Variants in TRAPPC9 observed in about 807,000 individuals in gnomAD.
The protein encoded by TRAPPC9 is IKK2 binding protein.
A neutral mutation model predicts 124.0 loss-of-function variants in TRAPPC9; 83 were observed. The observed-to-expected ratio is 0.67, with a 90% confidence interval of 0.56 to 0.80. TRAPPC9 has a LOEUF of 0.80. TRAPPC9 is among the 30% of genes least tolerant of loss of function. TRAPPC9 has a pLI of 0.00. For synonymous variants in TRAPPC9, 638 were observed against 617.5 expected (o/e 1.03, Z -0.49); for missense variants, 1,302 against 1,508.3 (o/e 0.86, Z 2.27).
At chr8:139,955,394 C>T (rs1011100370) in intron 19 of TRAPPC9, among the ~76,000 whole-genome samples, 1 of 152,074 alleles carries the variant, frequency 6.6e-6, no homozygotes, top group Non-Finnish European at 1.5e-5. Context: ...AAACCCTGGA[C>T]GGACCCAGGG....
At chr8:139,898,742 C>T (rs1316918398) in intron 20 of TRAPPC9, among the ~76,000 whole-genome samples, 2 of 152,126 alleles carry the variant, frequency 1.3e-5, no homozygotes, top group Non-Finnish European at 2.9e-5. Context: ...ATATGTCATA[C>T]CCCGCTCTCT....
At chr8:140,219,002 G>C (rs1203470561) in intron 17 of TRAPPC9, among the ~76,000 whole-genome samples, 2 of 151,944 alleles carry the variant, frequency 1.3e-5, no homozygotes, top group African/African-American at 2.4e-5. Context: ...GGAGGAAACA[G>C]TCAGGGAAGG....
chr8:140,037,095 T>C (rs777655185), intron 17 of TRAPPC9, among the ~76,000 whole-genome samples: 31 of 152,048 alleles, frequency 2.0e-4, no homozygotes, highest in Non-Finnish European at 4.1e-4. Flanking sequence ...ATGTGATGTA[T>C]TTCAAATTTT....
chr8:140,277,975 G>A (rs1314113490), intron 14 of TRAPPC9, among the ~76,000 whole-genome samples: 2 of 152,214 alleles, frequency 1.3e-5, no homozygotes, highest in Non-Finnish European at 2.9e-5. Context: ...CACAGGAAGT[G>A]CAACGGGAGT....
intron 11 of TRAPPC9, among the ~76,000 whole-genome samples, chr8:140,296,006 A>G (rs578108809): frequency 6.6e-6 from 1 of 152,322 alleles, no homozygotes; most frequent in South Asian, 2.1e-4. Flanking sequence ...GTGAGAAGCC[A>G]TACTATAAAG....
intron 21 of TRAPPC9, among the ~76,000 whole-genome samples, chr8:139,884,265 C>G (rs1191584363): frequency 6.6e-6 from 1 of 152,016 alleles, no homozygotes; most frequent in Non-Finnish European, 1.5e-5. Flanking sequence ...CCCCGCTCAG[C>G]CTTGTACCAT....
intron 17 of TRAPPC9, among the ~76,000 whole-genome samples, chr8:140,033,551 T>C (rs771678342): frequency 1.3e-5 from 2 of 151,330 alleles, no homozygotes; most frequent in Non-Finnish European, 2.9e-5. Context: ...ATTCATTTCC[T>C]TTAAGATAAA....
At chr8:139,790,769 T>C (rs1194389798) in intron 21 of TRAPPC9, among the ~76,000 whole-genome samples, 1 of 152,194 alleles carries the variant, frequency 6.6e-6, no homozygotes, top group Non-Finnish European at 1.5e-5. Flanking sequence ...CCAAATCTCA[T>C]GGTGAAATCC....
intron 19 of TRAPPC9, among the ~76,000 whole-genome samples, chr8:139,936,004 T>C (rs115287203): frequency 0.016 from 2,433 of 152,306 alleles, 60 homozygotes; most frequent in African/African-American, 0.055. Context: ...GGAGGGCCAC[T>C]CCTGCCCAGG....
intron 14 of TRAPPC9, among the ~76,000 whole-genome samples, chr8:140,276,521 C>T (rs1024872651): frequency 6.6e-6 from 1 of 152,178 alleles, no homozygotes; most frequent in South Asian, 2.1e-4. Flanking sequence ...CCCGAGGCTC[C>T]TGCACTCAAG....
At chr8:140,434,717 T>G (rs2070751603) in intron 4 of TRAPPC9, among the ~76,000 whole-genome samples, 1 of 152,212 alleles carries the variant, frequency 6.6e-6, no homozygotes, top group Non-Finnish European at 1.5e-5. Flanking sequence ...ACGCCTGTAA[T>G]CCCAGCACTT....
chr8:140,280,859 C>A (rs1406897133), intron 14 of TRAPPC9, among the ~76,000 whole-genome samples: 2 of 152,220 alleles, frequency 1.3e-5, no homozygotes, highest in African/African-American at 4.8e-5. Flanking sequence ...CCACTAGAGA[C>A]CTGCTTTCTG....
At chr8:140,136,699 G>T (rs1006537094) in intron 17 of TRAPPC9, among the ~76,000 whole-genome samples, 1 of 152,176 alleles carries the variant, frequency 6.6e-6, no homozygotes, top group Non-Finnish European at 1.5e-5. Flanking sequence ...GTAGCTGGGC[G>T]TGATCGTGAG....
intron 21 of TRAPPC9, among the ~76,000 whole-genome samples, chr8:139,870,784 C>T (rs886483605): frequency 2.0e-5 from 3 of 152,230 alleles, no homozygotes; most frequent in Non-Finnish European, 2.9e-5. Flanking sequence ...GAGAAGGAGA[C>T]TTGTACATCC....
At chr8:140,219,219 C>G (rs923395884) in intron 17 of TRAPPC9, among the ~76,000 whole-genome samples, 1 of 152,170 alleles carries the variant, frequency 6.6e-6, no homozygotes, top group Non-Finnish European at 1.5e-5. Flanking sequence ...ACAAAAAAGC[C>G]TGCAGCACAC....
intron 7 of TRAPPC9, among the ~76,000 whole-genome samples, chr8:140,381,975 C>T (rs1313149084): frequency 6.6e-6 from 1 of 152,212 alleles, no homozygotes; most frequent in Non-Finnish European, 1.5e-5. Flanking sequence ...TTCCCACAAA[C>T]ACTTGTACAT....
intron 17 of TRAPPC9, among the ~76,000 whole-genome samples, chr8:140,024,724 C>T (rs536859456): frequency 3.3e-5 from 5 of 151,400 alleles, no homozygotes; most frequent in East Asian, 1.9e-4. Context: ...GGATGACAGG[C>T]GTGTGGGATG....
At chr8:140,394,662 T>A (rs549483206) in intron 7 of TRAPPC9, among the ~76,000 whole-genome samples, 1 of 139,372 alleles carries the variant, frequency 7.2e-6, no homozygotes, top group Admixed American at 7.1e-5. Flanking sequence ...GGAACTGACC[T>A]CAGCCTGCGT....
intron 9 of TRAPPC9, among the ~76,000 whole-genome samples, chr8:140,328,847 T>C (rs749460348): frequency 1.5e-4 from 23 of 152,140 alleles, no homozygotes; most frequent in South Asian, 8.3e-4. Flanking sequence ...TGATGCTCGA[T>C]TGGACACAGA....
Sources: allele counts gnomAD v4.1 joint callset (sites outside exome capture counted in the v4.1 genomes callset), GRCh38; gene constraint gnomAD v4.1.1; transcripts MANE v1.5; gene names NCBI Gene and HGNC (gene_info 2026-07-23, HGNC 2026-07-21).